Variants in CDC42 observed in about 807,000 individuals in gnomAD.
CDC42 encodes cell division control protein 42 homolog.
A neutral mutation model predicts 20.8 loss-of-function variants in CDC42; 1 was observed. That is an observed-to-expected ratio of 0.05 (90% CI 0.02 to 0.23). The LOEUF is 0.23. CDC42 is among the 10% of genes least tolerant of loss of function. CDC42 has a pLI of 1.00. For missense variants in CDC42, 49 were observed against 227.9 expected (o/e 0.21, Z 5.05); for synonymous variants, 72 against 84.8 (o/e 0.85, Z 0.83).
chr1:22,094,532 C>T lies in CDC42; in HGVS notation c.*3015C>T, dbSNP rs1161183961. Among the ~76,000 whole-genome samples the T allele has an allele frequency of 1.4e-5, 2 of 147,670 alleles. No homozygotes were observed. The highest frequency in any genetic ancestry group is 6.7e-5 in the Admixed American group (1 of 15,020). On this transcript the variant is annotated 3_prime_UTR_variant, in exon 6 of 6. Coordinates refer to ENST00000656825, the MANE Select transcript of CDC42 (RefSeq NM_001791.4). ...CAGAATGGTCTCGATCTCCTGACCT[C>T]GTGATCCGCCCGCCTCGGCCTCCCA...
chr1:22,066,224 G>C (rs1569979280), intron 1 of CDC42, among the ~76,000 whole-genome samples: 2 of 152,200 alleles, frequency 1.3e-5, no homozygotes, highest in African/African-American at 4.8e-5. Flanking sequence ...TATTAGAGGG[G>C]CTGGGTGAGG....
intron 3 of CDC42, among the ~76,000 whole-genome samples, chr1:22,082,875 A>ATTTTTTTTTTTTTTTTTTTT (rs3036839): frequency 5.0e-5 from 7 of 140,212 alleles, no homozygotes; most frequent in Non-Finnish European, 6.1e-5. Context: ...CACAGAGAAA[A>ATTTTTTTTTTTTTTTTTTTT]TTTTTATTTT....
intron 2 of CDC42, among the ~76,000 whole-genome samples, chr1:22,080,709 G>A (rs1256637271): frequency 1.3e-5 from 2 of 152,072 alleles, no homozygotes; most frequent in African/African-American, 4.8e-5. Flanking sequence ...TTCCCATTTA[G>A]CATTGTTAAA....
chr1:22,070,256 T>C (rs772596991), intron 1 of CDC42, among the ~76,000 whole-genome samples: 2 of 152,192 alleles, frequency 1.3e-5, no homozygotes, highest in Non-Finnish European at 2.9e-5. Context: ...AAATATCTGC[T>C]AGCTGTAATA....
rs1463855460 is a variant in CDC42, at chr1:22,073,001, G to C, written c.-50-5428G>C. ...CAAATCTTAAGGTTGCTGTCTCTCT[G>C]TGCCTAGAATGAACCATGGGGCACG... On this transcript the variant is annotated intron_variant, in intron 1 of 5. Transcript: ENST00000656825. Among the ~76,000 whole-genome samples the C allele has an allele frequency of 3.3e-5, 5 of 152,230 alleles. No individual in the cohort carries two copies. The South Asian group carries it at 6.2e-4, about 19-fold the overall frequency.
In CDC42 at chr1:22,092,228, GC is replaced by G. The variant is rs1645725515; in HGVS notation, c.*715del. 6.6e-6 allele frequency: 1 copy of G among 152,440 alleles called. No individual in the cohort carries two copies. The highest frequency in any genetic ancestry group is 2.4e-5 in the African/African-American group (1 of 41,376). 9.4% of individuals were successfully genotyped at this position (152,440 alleles called of 1,614,324 possible). A position where few individuals can be genotyped will look rare whatever the true frequency, so the allele number is the denominator to read the frequency against. ...CATGAAAGTGGGTGGAGCCCATCTT[GC>G]CCCTCCTCTTTTCTAGGACGCACTA... On this transcript the variant is annotated 3_prime_UTR_variant, in exon 6 of 6. Transcript: ENST00000656825.
chr1:22,077,516 T>A (rs556981526), intron 1 of CDC42, among the ~76,000 whole-genome samples: 55 of 152,258 alleles, frequency 3.6e-4, no homozygotes, highest in African/African-American at 1.3e-3. Context: ...AATATAAATC[T>A]TAAAATTTAG....
chr1:22,061,122 C>A (rs1645357655), intron 1 of CDC42, among the ~76,000 whole-genome samples: 1 of 152,226 alleles, frequency 6.6e-6, no homozygotes, highest in South Asian at 2.1e-4. Flanking sequence ...AAATTAGAAA[C>A]CCAGCCGGGC....
At chr1:22,068,260 G>A (rs938706457) in intron 1 of CDC42, 2 of 152,932 alleles carry the variant, frequency 1.3e-5, no homozygotes, top group African/African-American at 2.4e-5. Context: ...AACTATAGAG[G>A]CACCATCAGA....
At position 22,054,921 on chromosome 1, in the gene CDC42, ATTTTTTTTTTTTTTTTTTTTTTTTTT is replaced by A. The variant is rs1180547322; in HGVS notation, c.-51+2204_-51+2229del. Among the ~76,000 whole-genome samples, 35 of 19,378 alleles carry A rather than the reference ATTTTTTTTTTTTTTTTTTTTTTTTTT, an allele frequency of 1.8e-3. 2 individuals carry two copies. The highest frequency in any genetic ancestry group is 0.011 in the East Asian group (5 of 442). 12.7% of individuals were successfully genotyped at this position (19,378 alleles called of 152,430 possible). A position where few individuals can be genotyped will look rare whatever the true frequency, so the allele number is the denominator to read the frequency against. On this transcript the variant is annotated intron_variant, in intron 1 of 5. Coordinates refer to ENST00000656825, the MANE Select transcript of CDC42 (RefSeq NM_001791.4). ...TATATATATATATATATATATATAT[ATTTTTTTTTTTTTTTTTTTTTTTTTT>A]TTTTTTTTTTTTTTTTTTTTTTTTG...
intron 3 of CDC42, among the ~76,000 whole-genome samples, chr1:22,084,335 GTTTT>G (rs61584354): frequency 1.4e-4 from 11 of 80,702 alleles, no homozygotes; most frequent in African/African-American, 5.0e-4. Context: ...CTTATTTCCT[GTTTT>G]TTTTTTTTTT....
intron 1 of CDC42, among the ~76,000 whole-genome samples, chr1:22,055,078 C>G (rs1351662434): frequency 4.7e-5 from 7 of 149,900 alleles, no homozygotes; most frequent in African/African-American, 1.5e-4. Flanking sequence ...CTCAGCCTCC[C>G]GAACAGCTGG....
Position 22,098,616 on chromosome 1 carries a change from T to A in CDC42, c.*7099T>A, listed in dbSNP as rs1236580983. ...GCACCATTTAAATTTTTATAAATTA[T>A]TTTTTAGAGGCATCACTTCTTTAAA... On this transcript the variant is annotated 3_prime_UTR_variant, in exon 6 of 6. Transcript: ENST00000656825. Among the ~76,000 whole-genome samples the A allele has an allele frequency of 6.6e-6, 1 of 152,220 alleles. No homozygotes were observed. The highest frequency in any genetic ancestry group is 1.5e-5 in the Non-Finnish European group (1 of 68,046).
At position 22,093,825 on chromosome 1, in the gene CDC42, ATT is replaced by A. The variant is rs1557910575; in HGVS notation, c.*2309_*2310del. ...GTCAGGGGCGTATAGGTCCTTGACTATTGCTATATCTTTGTCCTAAAGCAATG... is the reference window on the plus strand; with the variant it reads ...GTCAGGGGCGTATAGGTCCTTGACTAGCTATATCTTTGTCCTAAAGCAATG... On this transcript the variant is annotated 3_prime_UTR_variant, in exon 6 of 6. Transcript: ENST00000656825. Among the ~76,000 whole-genome samples, 1 of 152,210 alleles carries A rather than the reference ATT, an allele frequency of 6.6e-6. No homozygotes were observed. The highest frequency in any genetic ancestry group is 1.9e-4 in the East Asian group (1 of 5,202).
At chr1:22,090,243 G>A (rs1645702522) in intron 5 of CDC42, 1 of 1,241,618 alleles carries the variant, frequency 8.1e-7, no homozygotes, top group Admixed American at 3.7e-5. Flanking sequence ...TTGTTTTAAC[G>A]TTCTGCTGCT....
chr1:22,096,474 A>G lies in CDC42; in HGVS notation c.*4957A>G, dbSNP rs565339629. 1.7e-4 allele frequency among the ~76,000 whole-genome samples: 26 copies of G among 152,296 alleles called. No individual in the cohort carries two copies. The highest frequency in any genetic ancestry group is 3.4e-4 in the Non-Finnish European group (23 of 68,028). On this transcript the variant is annotated 3_prime_UTR_variant, in exon 6 of 6. Transcript: ENST00000656825. ...CCCAAGAGAGTAATGTAAAAGTTTT[A>G]TCTGTGCATGCATATTCATGACACA...
chr1:22,055,629 A>G (rs1469888912), intron 1 of CDC42, among the ~76,000 whole-genome samples: 1 of 151,736 alleles, frequency 6.6e-6, no homozygotes, highest in African/African-American at 2.4e-5. Flanking sequence ...AGCTGGGACT[A>G]CGGTGCATGC....
At chr1:22,055,783 G>C (rs574517263) in intron 1 of CDC42, among the ~76,000 whole-genome samples, 1 of 151,860 alleles carries the variant, frequency 6.6e-6, no homozygotes, top group East Asian at 1.9e-4. Flanking sequence ...CTGCTGTGCC[G>C]CTGACAGGCT....
chr1:22,056,011 G>A (rs1645301484), intron 1 of CDC42, among the ~76,000 whole-genome samples: 1 of 151,884 alleles, frequency 6.6e-6, no homozygotes, highest in Non-Finnish European at 1.5e-5. Flanking sequence ...CTTCATTCTG[G>A]AATTTTATGG....
Sources: allele counts gnomAD v4.1 joint callset (sites outside exome capture counted in the v4.1 genomes callset), GRCh38; gene constraint gnomAD v4.1.1; transcripts MANE v1.5; gene names NCBI Gene and HGNC (gene_info 2026-07-23, HGNC 2026-07-21).